The following CRKL variants were observed in gnomAD, a reference collection of about 807,000 sequenced individuals.
CRKL encodes crk-like protein.
Under a neutral mutation model 23.0 loss-of-function variants are expected in CRKL, and 3 were observed. The ratio of observed to expected loss-of-function variants is 0.13; its 90% CI spans 0.06 to 0.34. The LOEUF (loss-of-function observed/expected upper bound fraction) is 0.34, where lower values mean the gene tolerates loss of function less well. Ranked by LOEUF, CRKL falls within the 10% of genes least tolerant of loss-of-function variation. The probability of loss-of-function intolerance (pLI) is 1.00; values close to 1 mark genes in which losing one functional copy is unlikely to be tolerated. For synonymous variants in CRKL, 188 were observed against 160.7 expected, an observed-to-expected ratio of 1.17 and a Z score of -1.28; for missense variants, 256 against 394.5, an observed-to-expected ratio of 0.65 and a Z score of 2.97.
At chr22:20,922,320 C>G (rs1314053301) in intron 1 of CRKL, among the ~76,000 whole-genome samples, 1 of 151,874 alleles carries the variant, frequency 6.6e-6, no homozygotes, top group African/African-American at 2.4e-5. Flanking sequence ...CCTCTCCGGC[C>G]TGGGAGTGTG....
intron 2 of CRKL, among the ~76,000 whole-genome samples, chr22:20,941,242 C>T (rs1921857121): frequency 6.6e-6 from 1 of 151,962 alleles, no homozygotes; most frequent in East Asian, 1.9e-4. Context: ...CAGGTGTGTC[C>T]TTCCCATGCC....
At chr22:20,946,856 A>G (rs1390352341) in intron 2 of CRKL, among the ~76,000 whole-genome samples, 3 of 152,182 alleles carry the variant, frequency 2.0e-5, no homozygotes, top group African/African-American at 7.2e-5. Flanking sequence ...ATGGCTGCCA[A>G]GCTACCAGCC....
Position 20,951,023 on chromosome 22 carries a change from C to T in CRKL, c.*1178C>T. ...GGAAACCTTTGCTTACCTTGTTTTG[C>T]CAGTGATAAGAGCAGTGGGTTGGAG... On this transcript the variant is annotated 3_prime_UTR_variant, in exon 3 of 3. Coordinates refer to ENST00000354336, the MANE Select transcript of CRKL (RefSeq NM_005207.4). The T allele has an allele frequency of 4.3e-6, 1 of 232,578 alleles. No individual in the cohort carries two copies. Among genetic ancestry groups the T allele is most frequent in the East Asian group, 6.1e-5 (1 of 16,502 alleles). The allele number at this position is 232,578 out of a possible 1,614,324, so 14.4% of individuals were successfully genotyped here.
intron 2 of CRKL, among the ~76,000 whole-genome samples, chr22:20,943,210 G>A (rs1186326075): frequency 6.6e-6 from 1 of 151,906 alleles, no homozygotes; most frequent in Non-Finnish European, 1.5e-5. Context: ...TTTTTAATTG[G>A]GTTATTTGAG....
At chr22:20,939,146 C>A (rs1475498946) in intron 2 of CRKL, among the ~76,000 whole-genome samples, 1 of 151,782 alleles carries the variant, frequency 6.6e-6, no homozygotes. Flanking sequence ...TTATTGAGTG[C>A]CTATTATGTG....
intron 1 of CRKL, among the ~76,000 whole-genome samples, chr22:20,932,599 T>C (rs1921495588): frequency 6.6e-6 from 1 of 152,166 alleles, no homozygotes; most frequent in Admixed American, 6.6e-5. Flanking sequence ...TTACTTGAGA[T>C]TATAAAAATA....
chr22:20,925,837 G>A (rs1921181961), intron 1 of CRKL, among the ~76,000 whole-genome samples: 1 of 152,158 alleles, frequency 6.6e-6, no homozygotes, highest in African/African-American at 2.4e-5. Flanking sequence ...CAAAAAAGGA[G>A]GGAAATAGGA....
At chr22:20,939,932 G>T (rs965444873) in intron 2 of CRKL, among the ~76,000 whole-genome samples, 1 of 151,820 alleles carries the variant, frequency 6.6e-6, no homozygotes, top group African/African-American at 2.4e-5. Context: ...GGGATTACAG[G>T]CACCTGCCAA....
intron 1 of CRKL, among the ~76,000 whole-genome samples, chr22:20,933,551 C>T (rs894808332): frequency 1.4e-4 from 22 of 151,780 alleles, no homozygotes; most frequent in African/African-American, 5.3e-4. Context: ...GCCTGTAATC[C>T]CAGCTACTCA....
chr22:20,928,884 T>G (rs1357830808), intron 1 of CRKL, among the ~76,000 whole-genome samples: 1 of 152,038 alleles, frequency 6.6e-6, no homozygotes, highest in African/African-American at 2.4e-5. Flanking sequence ...AGAAGTTGAT[T>G]GTATTGGTTC....
chr22:20,938,733 C>T (rs974820726), intron 2 of CRKL, among the ~76,000 whole-genome samples: 4 of 152,156 alleles, frequency 2.6e-5, no homozygotes, highest in Non-Finnish European at 4.4e-5. Context: ...CTGACTAAAA[C>T]GGAAGAAATA....
At chr22:20,948,598 C>T (rs571177785) in intron 2 of CRKL, among the ~76,000 whole-genome samples, 1 of 152,284 alleles carries the variant, frequency 6.6e-6, no homozygotes, top group East Asian at 1.9e-4. Flanking sequence ...AGAACCAGGA[C>T]ATTTGTTTGG....
intron 2 of CRKL, among the ~76,000 whole-genome samples, chr22:20,944,605 A>G (rs912085892): frequency 6.6e-6 from 1 of 151,226 alleles, no homozygotes; most frequent in Admixed American, 6.6e-5. Context: ...GGGTTTCACT[A>G]TGTTGGCCAG....
Position 20,940,900 on chromosome 22 carries a change from C to G in CRKL, c.777+6656C>G, listed in dbSNP as rs182668001. 2.0e-3 allele frequency among the ~76,000 whole-genome samples: 301 copies of G among 152,198 alleles called. 2 individuals carry two copies. The highest frequency in any genetic ancestry group is 3.7e-3 in the Non-Finnish European group (254 of 68,018). On this transcript the variant is annotated intron_variant, in intron 2 of 2. Coordinates refer to ENST00000354336, the MANE Select transcript of CRKL (RefSeq NM_005207.4). ...ATTAAATTTGTATTAGCATTTTCTTCATTGCTGCATCTGCTTGCTGAGGTG... is the reference window on the plus strand; with the variant it reads ...ATTAAATTTGTATTAGCATTTTCTTGATTGCTGCATCTGCTTGCTGAGGTG...
intron 1 of CRKL, among the ~76,000 whole-genome samples, chr22:20,925,541 A>G (rs1921169542): frequency 6.6e-6 from 1 of 152,226 alleles, no homozygotes; most frequent in Admixed American, 6.5e-5. Context: ...ACAAACAAAA[A>G]ACATTATTTT....
In CRKL at chr22:20,934,250, A is replaced by G. The variant is rs1055369884; in HGVS notation, c.777+6A>G. On this transcript the variant is annotated splice_donor_region_variant and intron_variant, in intron 2 of 2. Coordinates refer to ENST00000354336, the MANE Select transcript of CRKL (RefSeq NM_005207.4). The stretch of plus-strand genomic sequence containing the variant: ...AGACTGCCTTGGCATTAGAGGTAAA[A>G]TCTGTTCAGATTAGCTTTTTGGGTC... 2.0e-5 allele frequency: 32 copies of G among 1,605,246 alleles called. No individual in the cohort carries two copies. The highest frequency in any genetic ancestry group is 2.6e-5 in the Non-Finnish European group (31 of 1,174,170).
chr22:20,945,138 C>T (rs1447895333), intron 2 of CRKL, among the ~76,000 whole-genome samples: 3 of 151,844 alleles, frequency 2.0e-5, no homozygotes, highest in Admixed American at 6.6e-5. Context: ...GGACTACAGG[C>T]GCCTCCTACC....
Position 20,945,188 on chromosome 22 carries a change from T to G in CRKL, c.778-4523T>G, listed in dbSNP as rs1042572428. Among the ~76,000 whole-genome samples the G allele has an allele frequency of 4.0e-5, 6 of 151,446 alleles. No individual in the cohort carries two copies. In the East Asian group the frequency reaches 5.8e-4, roughly 15 times the overall value. On this transcript the variant is annotated intron_variant, in intron 2 of 2. Transcript: ENST00000354336. ...TTTTGTATTTTTAGTAGAGACGGGG[T>G]TTCACGGTATTAGCCAGGATGGTCT...
chr22:20,944,139 C>CTTTTTTTTTTTTTTTT (rs57177824), intron 2 of CRKL, among the ~76,000 whole-genome samples: 3 of 105,856 alleles, frequency 2.8e-5, no homozygotes, highest in Non-Finnish European at 5.5e-5. Flanking sequence ...GTAGTATTAG[C>CTTTTTTTTTTTTTTTT]TTTTTTTTTT....
Sources: gnomAD v4.1 joint callset for allele counts (sites outside exome capture counted in the v4.1 genomes callset) on GRCh38, gnomAD v4.1.1 for gene constraint, MANE v1.5 for transcripts, NCBI Gene and HGNC (gene_info 2026-07-23, HGNC 2026-07-21) for gene names.